RARB: variants seen among roughly 807,000 people sequenced by gnomAD.
RARB encodes retinoic acid receptor beta, also known as HBV-activated protein.
In RARB, 17 loss-of-function variants were observed where a neutral mutation model predicts 51.9. That is an observed-to-expected ratio of 0.33 (90% CI 0.22 to 0.49). RARB has a LOEUF of 0.49. Among genes scored for constraint, RARB ranks in the 20% least tolerant of loss-of-function variants. The pLI, the probability that RARB is intolerant of heterozygous loss-of-function variation, is 0.99. For synonymous variants in RARB, 215 were observed against 195.4 expected (o/e 1.10, Z -0.84); for missense variants, 369 against 550.8 (o/e 0.67, Z 3.30).
chr3:24,921,078 G>A lies in RARB; in HGVS notation c.-380+62326G>A, dbSNP rs145389142. On this transcript the variant is annotated intron_variant, in intron 2 of 11. Coordinates refer to the RARB transcript ENST00000383772. Reference sequence around the variant, plus strand: ...AAGCAGGTCAAGGTGGCACCTGTCTGTTCTATAGACAGTGATTACTAATCT... The same window carrying A: ...AAGCAGGTCAAGGTGGCACCTGTCTATTCTATAGACAGTGATTACTAATCT... 2.2e-3 allele frequency among the ~76,000 whole-genome samples: 328 copies of A among 152,238 alleles called. 2 individuals are homozygous for A. Among genetic ancestry groups the A allele is most frequent in the Middle Eastern group, 0.01 (3 of 294 alleles).
chr3:25,261,341 A>G (rs575657111), intron 5 of RARB, among the ~76,000 whole-genome samples: 1 of 152,102 alleles, frequency 6.6e-6, no homozygotes, highest in South Asian at 2.1e-4. Context: ...GGCTCCTAGA[A>G]CACCATACTT....
chr3:25,385,651 A>G (rs528854037), intron 5 of RARB, among the ~76,000 whole-genome samples: 5 of 152,026 alleles, frequency 3.3e-5, no homozygotes, highest in Non-Finnish European at 5.9e-5. Flanking sequence ...TAAAATATAT[A>G]TATATATATT....
intron 3 of RARB, among the ~76,000 whole-genome samples, chr3:25,533,584 G>A (rs1352039016): frequency 6.6e-6 from 1 of 152,188 alleles, no homozygotes; most frequent in East Asian, 1.9e-4. Flanking sequence ...TTATGTGCCA[G>A]CCAGTAGAGT....
At chr3:25,446,136 G>T (rs1240333203) in intron 1 of RARB, among the ~76,000 whole-genome samples, 2 of 152,180 alleles carry the variant, frequency 1.3e-5, no homozygotes, top group African/African-American at 4.8e-5. Context: ...AAAATGTGTA[G>T]CCCTTACAAC....
chr3:25,097,915 G>C (rs1351673756), intron 3 of RARB, among the ~76,000 whole-genome samples: 3 of 152,144 alleles, frequency 2.0e-5, no homozygotes, highest in Non-Finnish European at 2.9e-5. Flanking sequence ...TATTGGGTTA[G>C]ACTTAAGATT....
intron 2 of RARB, among the ~76,000 whole-genome samples, chr3:24,910,158 T>C (rs1694960876): frequency 6.6e-6 from 1 of 152,154 alleles, no homozygotes; most frequent in South Asian, 2.1e-4. Flanking sequence ...TACTCCACCA[T>C]GTTTCTATTT....
intron 5 of RARB, among the ~76,000 whole-genome samples, chr3:25,191,839 G>T (rs1338029370): frequency 6.6e-6 from 1 of 152,052 alleles, no homozygotes; most frequent in Non-Finnish European, 1.5e-5. Context: ...TTGAGAAAAG[G>T]TTCCCCATGT....
intron 3 of RARB, among the ~76,000 whole-genome samples, chr3:25,556,486 T>C (rs1483054431): frequency 6.6e-6 from 1 of 152,216 alleles, no homozygotes; most frequent in Non-Finnish European, 1.5e-5. Context: ...CTCATTACAT[T>C]CTTGTTACCA....
At chr3:25,002,774 A>G (rs181520556) in intron 2 of RARB, among the ~76,000 whole-genome samples, 3,909 of 152,024 alleles carry the variant, frequency 0.026, 166 homozygotes, top group African/African-American at 0.089. Flanking sequence ...ATATATATAT[A>G]TGAATTTGGA....
At chr3:25,080,724 A>G (rs761136806) in intron 3 of RARB, among the ~76,000 whole-genome samples, 5 of 152,142 alleles carry the variant, frequency 3.3e-5, no homozygotes, top group Non-Finnish European at 7.4e-5. Flanking sequence ...GGAGAAATCT[A>G]TATTTAAGCC....
At chr3:24,990,409 G>A (rs1293546522) in intron 2 of RARB, among the ~76,000 whole-genome samples, 2 of 80,636 alleles carry the variant, frequency 2.5e-5, no homozygotes, top group Admixed American at 2.0e-4. Context: ...TGCCATCTAT[G>A]ATAATCAAAC....
chr3:25,570,132 T>C (rs1238000838), intron 4 of RARB, among the ~76,000 whole-genome samples: 11 of 152,212 alleles, frequency 7.2e-5, no homozygotes. Context: ...GTAGGCTGAG[T>C]GCCGCCTCAC....
intron 2 of RARB, among the ~76,000 whole-genome samples, chr3:24,872,233 G>T (rs2362770): frequency 8.6e-5 from 13 of 152,040 alleles, no homozygotes; most frequent in Non-Finnish European, 1.5e-4. Context: ...CCTTGCACAC[G>T]GTGGCAGCCT....
At position 25,503,481 on chromosome 3, in the gene RARB, C is replaced by T. The variant is rs142616732; in HGVS notation, c.448+2158C>T. Among the ~76,000 whole-genome samples the T allele has an allele frequency of 5.4e-3, 829 of 152,230 alleles. 4 individuals carry two copies. The highest frequency in any genetic ancestry group is 8.5e-3 in the South Asian group (41 of 4,832). ...GCTTACATTACTTAAAACCCATATC[C>T]TGCTGCTCTGTAAAAACTGGCAGCT... On this transcript the variant is annotated intron_variant, in intron 3 of 7. Coordinates refer to ENST00000330688, the MANE Select transcript of RARB (RefSeq NM_000965.5).
chr3:25,404,155 A>G (rs1388907055), intron 5 of RARB, among the ~76,000 whole-genome samples: 1 of 152,196 alleles, frequency 6.6e-6, no homozygotes, highest in East Asian at 1.9e-4. Flanking sequence ...ACGTGTCAGT[A>G]GATTCTCAGG....
intron 5 of RARB, among the ~76,000 whole-genome samples, chr3:25,214,619 C>A (rs1050298993): frequency 6.6e-6 from 1 of 152,116 alleles, no homozygotes; most frequent in East Asian, 1.9e-4. Context: ...AACAGGGCGT[C>A]CTGAAATGCC....
intron 4 of RARB, among the ~76,000 whole-genome samples, chr3:25,141,617 C>A (rs1233155165): frequency 6.6e-6 from 1 of 152,172 alleles, no homozygotes; most frequent in African/African-American, 2.4e-5. Context: ...GATATTAACT[C>A]CTTGCCACCA....
chr3:24,979,712 C>G (rs1696601252), intron 2 of RARB, among the ~76,000 whole-genome samples: 1 of 151,954 alleles, frequency 6.6e-6, no homozygotes, highest in Non-Finnish European at 1.5e-5. Context: ...ACCAAAGGGT[C>G]TTGACTCTTT....
chr3:25,079,069 A>T (rs1020635109), intron 3 of RARB, among the ~76,000 whole-genome samples: 2 of 151,740 alleles, frequency 1.3e-5, no homozygotes, highest in African/African-American at 4.8e-5. Flanking sequence ...AACTTCTCTC[A>T]CAATATTTTA....
Sources: gnomAD v4.1 joint callset for allele counts (sites outside exome capture counted in the v4.1 genomes callset) on GRCh38, gnomAD v4.1.1 for gene constraint, MANE v1.5 for transcripts, NCBI Gene and HGNC (gene_info 2026-07-23, HGNC 2026-07-21) for gene names.